Variants in PPIL2 observed in about 807,000 individuals in gnomAD.
The protein encoded by PPIL2 is RING-type E3 ubiquitin-protein ligase PPIL2.
Under a neutral mutation model 75.2 loss-of-function variants are expected in PPIL2, and 50 were observed. That is an observed-to-expected ratio of 0.66 (90% CI 0.53 to 0.84). The LOEUF (loss-of-function observed/expected upper bound fraction) is 0.84, where lower values mean the gene tolerates loss of function less well. PPIL2 is among the 40% of genes least tolerant of loss of function. The probability of loss-of-function intolerance (pLI) is 0.00; values close to 1 mark genes in which losing one functional copy is unlikely to be tolerated. For synonymous variants in PPIL2, 245 were observed against 258.8 expected (o/e 0.95, Z 0.51); for missense variants, 590 against 685.0 (o/e 0.86, Z 1.55).
intron 8 of PPIL2, 81 bp from the exon 9 acceptor site, chr22:21,683,101 G>C: frequency 1.6e-6 from 2 of 1,220,248 alleles, no homozygotes; most frequent in Non-Finnish European, 1.2e-6. Flanking sequence ...ACCTCTGACA[G>C]CTGGCCGTCC....
rs1467889155 is a variant in PPIL2 at position 21,697,091 on chromosome 22, TC to T, written c.*1604del. ...AGTGACTTTTGACGCCCTCCATCCC[TC>T]CCGCCAGGCACTGTCCTCCGCAAGG... On this transcript the variant is annotated 3_prime_UTR_variant, in exon 20 of 20. Coordinates refer to ENST00000398831, the MANE Select transcript of PPIL2 (RefSeq NM_014337.4). 1.2e-5 allele frequency: 15 copies of T among 1,220,470 alleles called. No individual in the cohort carries two copies. Among genetic ancestry groups the T allele is most frequent in the Middle Eastern group, 2.8e-4 (1 of 3,634 alleles). 75.6% of individuals were successfully genotyped at this position (1,220,470 alleles called of 1,614,324 possible). A position where few individuals can be genotyped will look rare whatever the true frequency, so the allele number is the denominator to read the frequency against.
At chr22:21,686,680 G>A in intron 11 of PPIL2, 122 bp downstream of exon 11, 1 of 1,120,958 alleles carries the variant, frequency 8.9e-7, no homozygotes, top group Non-Finnish European at 1.3e-6. Flanking sequence ...TGAGCCCCTA[G>A]TCCTCCCCCT....
chr22:21,675,582 T>G (rs2066806808), intron 6 of PPIL2, among the ~76,000 whole-genome samples: 1 of 152,030 alleles, frequency 6.6e-6, no homozygotes, highest in African/African-American at 2.4e-5. Context: ...CTGGGTAGTT[T>G]TAAGGTGGGG....
intron 6 of PPIL2, among the ~76,000 whole-genome samples, chr22:21,677,989 C>T (rs1026055393): frequency 2.0e-5 from 3 of 152,076 alleles, no homozygotes; most frequent in Admixed American, 1.3e-4. Context: ...GGTGGGCGCA[C>T]GCTCAAGGGT....
chr22:21,690,393 A>C (rs1396927307), intron 15 of PPIL2, among the ~76,000 whole-genome samples: 2 of 151,926 alleles, frequency 1.3e-5, no homozygotes, highest in Non-Finnish European at 2.9e-5. Context: ...AAAAAAAAAA[A>C]AAAATCAAAC....
Position 21,693,889 on chromosome 22 carries a change from T to C in PPIL2, c.1196+17T>C, listed in dbSNP as rs368160830. ...CTTTGGACGGTAAGGGAAGCGGCTGTGTGAAGCCTGGGGGGTCAGTGGGCT... is the reference window on the plus strand; with the variant it reads ...CTTTGGACGGTAAGGGAAGCGGCTGCGTGAAGCCTGGGGGGTCAGTGGGCT... On this transcript the variant is annotated intron_variant, in intron 16 of 19. Coordinates refer to ENST00000398831, the MANE Select transcript of PPIL2 (RefSeq NM_014337.4). 12 of 1,530,112 alleles carry C rather than the reference T, an allele frequency of 7.8e-6. No homozygotes were observed. Among genetic ancestry groups the C allele is most frequent in the Admixed American group, 1.7e-5 (1 of 59,862 alleles). The allele number at this position is 1,530,112 out of a possible 1,614,324, so 94.8% of individuals were successfully genotyped here. A position where few individuals can be genotyped will look rare whatever the true frequency, so the allele number is the denominator to read the frequency against.
intron 1 of PPIL2, among the ~76,000 whole-genome samples, chr22:21,668,852 C>T (rs1232491943): frequency 3.3e-5 from 5 of 151,166 alleles, no homozygotes; most frequent in South Asian, 2.1e-4. Flanking sequence ...GCTGGGACTA[C>T]AGGCGCCTGC....
chr22:21,672,188 A>T (rs538534927), intron 4 of PPIL2, 142 bp from the exon 5 acceptor site: 8 of 655,508 alleles, frequency 1.2e-5, no homozygotes, highest in Admixed American at 7.8e-5. Flanking sequence ...CTGAGACAAG[A>T]TGAGGAGCTC....
At chr22:21,670,835 A>G (rs930383439) in intron 3 of PPIL2, 162 bp from the exon 4 acceptor site, 4 of 869,588 alleles carry the variant, frequency 4.6e-6, no homozygotes, top group African/African-American at 1.7e-5. Flanking sequence ...CACAAACACT[A>G]TTGTAGTTGG....
chr22:21,683,391 A>G (rs2148540210), intron 9 of PPIL2, 134 bp downstream of exon 9: 3 of 731,844 alleles, frequency 4.1e-6, no homozygotes, highest in East Asian at 5.3e-5. Flanking sequence ...TTTCTGAACT[A>G]GTGTTCAGAG....
intron 10 of PPIL2, among the ~76,000 whole-genome samples, chr22:21,686,208 C>T (rs1486909130): frequency 6.6e-6 from 1 of 152,208 alleles, no homozygotes; most frequent in Non-Finnish European, 1.5e-5. Flanking sequence ...GCCATACACT[C>T]CTAACCCTGA....
At position 21,682,424 on chromosome 22, in the gene PPIL2, C is replaced by T. The variant is rs1328019339; in HGVS notation, c.388-13C>T. On this transcript the variant is annotated splice_polypyrimidine_tract_variant and intron_variant, in intron 7 of 19. Transcript: ENST00000398831. ...GGGGCAGGCATCGTAAAACCACTTC[C>T]TCCTGGCTATAGGCAGTGGAACAGC... 8.1e-6 allele frequency: 13 copies of T among 1,612,236 alleles called. No individual in the cohort carries two copies. Among genetic ancestry groups the T allele is most frequent in the Non-Finnish European group, 1.0e-5 (12 of 1,178,474 alleles).
chr22:21,687,917 G>T (rs2067442221), intron 13 of PPIL2, among the ~76,000 whole-genome samples, 156 bp from the exon 14 acceptor site: 2 of 152,352 alleles, frequency 1.3e-5, no homozygotes, highest in Non-Finnish European at 2.9e-5. Flanking sequence ...TCCAGAACTG[G>T]GTTCACAAAG....
At position 21,694,958 on chromosome 22, in the gene PPIL2, C is replaced by A. The variant is rs2067855899; in HGVS notation, c.1354C>A (p.Gln452Lys). The stretch of plus-strand genomic sequence containing the variant: ...ACAGATTGCGCAGGAGCGGAAGACA[C>A]AGCTCAAGGTAGCCCCGGAGACCAA... ...DAQIAQERKT[Q>K]LKVAPETKVK... The change falls in exon 19 of 20, where the codon CAG (glutamine) becomes AAG (lysine). Residue 452 changes from glutamine to lysine, a missense_variant. By Grantham distance (53) the Gln-to-Lys change is moderately conservative. Transcript: ENST00000398831. The A allele has an allele frequency of 1.2e-6, 2 of 1,613,690 alleles. No homozygotes were observed. The highest frequency in any genetic ancestry group is 8.5e-7 in the Non-Finnish European group (1 of 1,179,946).
Position 21,695,646 on chromosome 22 carries a change from A to C in PPIL2, c.*156A>C. 1 of 1,455,922 alleles carries C rather than the reference A, an allele frequency of 6.9e-7. No homozygotes were observed. Among genetic ancestry groups the C allele is most frequent in the Non-Finnish European group, 9.1e-7 (1 of 1,100,772 alleles). 90.2% of individuals were successfully genotyped at this position (1,455,922 alleles called of 1,614,324 possible). A position where few individuals can be genotyped will look rare whatever the true frequency, so the allele number is the denominator to read the frequency against. Reference sequence around the variant, plus strand: ...CCTTTCCTGGCCCCTGGGAGCCCACAGCCTTCCCATCCCTTAACCTGTTGC... The same window carrying C: ...CCTTTCCTGGCCCCTGGGAGCCCACCGCCTTCCCATCCCTTAACCTGTTGC... On this transcript the variant is annotated 3_prime_UTR_variant, in exon 20 of 20. Transcript: ENST00000398831.
intron 15 of PPIL2, among the ~76,000 whole-genome samples, chr22:21,692,787 G>A (rs967482820): frequency 1.3e-5 from 2 of 151,560 alleles, no homozygotes; most frequent in African/African-American, 2.4e-5. Context: ...TTAGCTGGGC[G>A]TGATGGCGGG....
chr22:21,676,307 T>TGTG (rs1555894882), intron 6 of PPIL2, among the ~76,000 whole-genome samples: 63 of 36,686 alleles, frequency 1.7e-3, no homozygotes, highest in South Asian at 7.4e-4. Flanking sequence ...TATTTATTTA[T>TGTG]TTTGTGTGTG....
chr22:21,686,550 A>G lies in PPIL2; in HGVS notation c.782A>G (p.His261Arg), dbSNP rs2067370560. Residue 261 changes from histidine (H) to arginine (R), a missense_variant, in exon 11 of 20, where the codon CAT becomes CGT. His to Arg is a conservative substitution (Grantham distance 29). Transcript: ENST00000398831. ...ACCGCGATGGTCCCGGAGACCACAC[A>G]TGAAGCAGGTAGCCACCTTGGCCTC... Reference protein sequence around the residue: ...TSTAMVPETTHEAAAIDEDVL... With the variant: ...TSTAMVPETTREAAAIDEDVL... 5 of 1,613,950 alleles carry G rather than the reference A, an allele frequency of 3.1e-6. No homozygotes were observed. Among genetic ancestry groups the G allele is most frequent in the African/African-American group, 1.3e-5 (1 of 74,924 alleles).
At chr22:21,670,364 T>G (rs1284035188) in intron 2 of PPIL2, 6 of 1,508,618 alleles carry the variant, frequency 4.0e-6, no homozygotes, top group Non-Finnish European at 5.3e-6. Context: ...GTAAAAAGTA[T>G]GCACTTTTCC....
Sources: gnomAD v4.1 joint callset for allele counts (sites outside exome capture counted in the v4.1 genomes callset) on GRCh38, gnomAD v4.1.1 for gene constraint, MANE v1.5 for transcripts, NCBI Gene and HGNC (gene_info 2026-07-23, HGNC 2026-07-21) for gene names.